The following XPNPEP1 variants were observed in gnomAD, a reference collection of about 807,000 sequenced individuals.
The protein encoded by XPNPEP1 is xaa-Pro aminopeptidase 1.
Under a neutral mutation model 92.4 loss-of-function variants are expected in XPNPEP1, and 39 were observed. The observed-to-expected ratio is 0.42, with a 90% confidence interval of 0.33 to 0.55. The LOEUF (loss-of-function observed/expected upper bound fraction) is 0.55. Ranked by LOEUF, XPNPEP1 falls within the 20% of genes least tolerant of loss-of-function variation. The pLI, the probability that XPNPEP1 is intolerant of heterozygous loss-of-function variation, is 0.08. For missense variants in XPNPEP1, 654 were observed against 856.1 expected (o/e 0.76, Z 2.95); for synonymous variants, 307 against 299.4 (o/e 1.03, Z -0.26).
chr10:109,882,847 G>T (rs1181272784), intron 9 of XPNPEP1, among the ~76,000 whole-genome samples: 1 of 151,984 alleles, frequency 6.6e-6, no homozygotes, highest in Non-Finnish European at 1.5e-5. Context: ...CAGAAATCTG[G>T]GCAGTGTCCT....
chr10:109,867,056 G>A lies in XPNPEP1; in HGVS notation c.1872+1558C>T, dbSNP rs538626320. 4.6e-5 allele frequency among the ~76,000 whole-genome samples: 7 copies of A among 152,352 alleles called. No homozygotes were observed. The highest frequency in any genetic ancestry group is 1.9e-4 in the East Asian group (1 of 5,186). On this transcript the variant is annotated intron_variant, in intron 20 of 20. Coordinates refer to ENST00000502935, the MANE Select transcript of XPNPEP1 (RefSeq NM_020383.4). This position sits in a 1 kb window ranked among gnomAD's most constrained non-coding sequence, Gnocchi z 4.5. ...ACACTTTATGTGGACAGGAAGGACT[G>A]CATGACCTAGAATTACTTGGCAGGA...
chr10:109,893,195 G>A (rs1376077961), intron 3 of XPNPEP1, 120 bp from the exon 4 acceptor site: 17 of 863,592 alleles, frequency 2.0e-5, no homozygotes, highest in South Asian at 3.4e-5. Context: ...CTTGGCCCCC[G>A]CCCTCAAGAA....
In XPNPEP1 at chr10:109,865,228, C is replaced by T. The variant is rs776501813; in HGVS notation, c.1957G>A (p.Glu653Lys). The T allele has an allele frequency of 1.2e-6, 2 of 1,614,158 alleles. No homozygotes were observed. The highest frequency in any genetic ancestry group is 1.7e-6 in the Non-Finnish European group (2 of 1,180,046). ...LQKQGRQEAL[E>K]WLIRETQPIS... Reference sequence around the variant, plus strand: ...GGTTGCGTCTCTCTGATGAGCCACTCGAGAGCTTCCTGGCGGCCCTGTTTC... The same window carrying T: ...GGTTGCGTCTCTCTGATGAGCCACTTGAGAGCTTCCTGGCGGCCCTGTTTC... Residue 653 changes from glutamate (E) to lysine (K), a missense_variant, in exon 21 of 21, where the codon GAG (glutamate) becomes AAG (lysine). Coordinates refer to ENST00000502935, the MANE Select transcript of XPNPEP1 (RefSeq NM_020383.4).
chr10:109,894,884 A>T (rs892788041), intron 3 of XPNPEP1, among the ~76,000 whole-genome samples: 1 of 152,252 alleles, frequency 6.6e-6, no homozygotes, highest in Non-Finnish European at 1.5e-5. Context: ...ATCGTTTAGG[A>T]ACTGCAGAAT....
At chr10:109,883,692 G>C (rs181299101) in intron 9 of XPNPEP1, 216 of 178,966 alleles carry the variant, frequency 1.2e-3, no homozygotes, top group Middle Eastern at 2.4e-3. Context: ...TCAACAAAGC[G>C]TAGTTGGAGG....
At chr10:109,915,766 G>A (rs1238849796) in intron 1 of XPNPEP1, among the ~76,000 whole-genome samples, 4 of 152,154 alleles carry the variant, frequency 2.6e-5, no homozygotes, top group Admixed American at 6.5e-5. Context: ...CCCATATGGG[G>A]ATAGTCTAAT....
Position 109,914,797 on chromosome 10 carries a change from CA to C in XPNPEP1, c.121+213del, listed in dbSNP as rs35548906. Among the ~76,000 whole-genome samples the C allele has an allele frequency of 5.4e-3, 527 of 97,594 alleles. 5 individuals carry two copies. Among genetic ancestry groups the C allele is most frequent in the Non-Finnish European group, 8.8e-3 (391 of 44,588 alleles). The allele number at this position is 97,594 out of a possible 152,430, so 64.0% of individuals were successfully genotyped here. A position where few individuals can be genotyped will look rare whatever the true frequency, so the allele number is the denominator to read the frequency against. On this transcript the variant is annotated intron_variant, in intron 2 of 20. Transcript: ENST00000502935. Reference sequence around the variant, plus strand: ...GGTGACCAAGGGCGAGACTCCGTCTCAAAAAAAAAAAAAAAAAATGGTAAAT... The same window carrying C: ...GGTGACCAAGGGCGAGACTCCGTCTCAAAAAAAAAAAAAAAAATGGTAAAT...
chr10:109,896,333 T>C (rs1340185934), intron 3 of XPNPEP1, among the ~76,000 whole-genome samples: 1 of 150,762 alleles, frequency 6.6e-6, no homozygotes, highest in Non-Finnish European at 1.5e-5. Flanking sequence ...AGCTAGAGTG[T>C]GGTGACACAA....
intron 9 of XPNPEP1, chr10:109,883,854 C>A (rs537202485): frequency 2.9e-5 from 14 of 486,372 alleles, no homozygotes; most frequent in Admixed American, 1.6e-4. Flanking sequence ...CACTTTCATG[C>A]GTTTCAAACC....
At chr10:109,916,117 A>G (rs956253952) in intron 1 of XPNPEP1, among the ~76,000 whole-genome samples, 6 of 152,224 alleles carry the variant, frequency 3.9e-5, no homozygotes, top group Admixed American at 1.3e-4. Context: ...TTTGTGAAAA[A>G]AAGTAAAGCA....
intron 5 of XPNPEP1, among the ~76,000 whole-genome samples, chr10:109,888,945 C>T (rs1245062705): frequency 6.6e-6 from 1 of 152,236 alleles, no homozygotes; most frequent in Non-Finnish European, 1.5e-5. Context: ...CACTTCCCCA[C>T]TACTGGTCAC....
intron 5 of XPNPEP1, among the ~76,000 whole-genome samples, chr10:109,890,148 G>A (rs1316313100): frequency 1.3e-5 from 2 of 152,160 alleles, no homozygotes; most frequent in Non-Finnish European, 2.9e-5. Flanking sequence ...CTGGAGGAGA[G>A]GAGGACTCAC....
chr10:109,902,826 T>A (rs1380701504), intron 3 of XPNPEP1, among the ~76,000 whole-genome samples: 2 of 152,218 alleles, frequency 1.3e-5, no homozygotes, highest in African/African-American at 4.8e-5. Context: ...AGTTTCCTCA[T>A]GGAGGGAAAA....
intron 11 of XPNPEP1, 131 bp from the exon 12 acceptor site, chr10:109,880,369 A>G (rs1589564544): frequency 2.2e-6 from 2 of 893,130 alleles, no homozygotes; most frequent in South Asian, 3.0e-5. Flanking sequence ...CCAGAGCTTT[A>G]CATGTGGACA....
At chr10:109,907,598 C>T (rs2133527220) in intron 3 of XPNPEP1, 93 bp downstream of exon 3, 1 of 1,564,834 alleles carries the variant, frequency 6.4e-7, no homozygotes, top group South Asian at 1.2e-5. Context: ...GGTTGTGGCC[C>T]TGGTTGTGGG....
intron 14 of XPNPEP1, 163 bp from the exon 15 acceptor site, chr10:109,875,762 T>C (rs773709541): frequency 1.2e-5 from 7 of 569,456 alleles, no homozygotes; most frequent in Admixed American, 3.0e-5. Flanking sequence ...TCAACTAATA[T>C]TAAACTTCTA....
At chr10:109,891,848 A>G (rs761958807) in intron 4 of XPNPEP1, 22 bp from the exon 5 acceptor site, 9 of 1,609,660 alleles carry the variant, frequency 5.6e-6, no homozygotes, top group Non-Finnish European at 7.6e-6. Flanking sequence ...GAGAAAAAAA[A>G]AAGAAGAAGA....
At chr10:109,908,941 C>T (rs1002921230) in intron 2 of XPNPEP1, among the ~76,000 whole-genome samples, 3 of 152,120 alleles carry the variant, frequency 2.0e-5, no homozygotes, top group African/African-American at 4.8e-5. Flanking sequence ...GAGAAGGGGA[C>T]CAGGGCCTCA....
chr10:109,901,199 C>T (rs191646411), intron 3 of XPNPEP1, among the ~76,000 whole-genome samples: 44 of 143,864 alleles, frequency 3.1e-4, no homozygotes, highest in African/African-American at 1.1e-3. Context: ...AACCAAACAC[C>T]GCATGTTCTC....
Sources: allele counts gnomAD v4.1 joint callset (sites outside exome capture counted in the v4.1 genomes callset), GRCh38; gene constraint gnomAD v4.1.1; non-coding constraint Gnocchi (gnomAD v3.1); transcripts MANE v1.5; gene names NCBI Gene and HGNC (gene_info 2026-07-23, HGNC 2026-07-21).